Variants in LYPLAL1 observed in about 807,000 individuals in gnomAD.
LYPLAL1 encodes the protein lysophospholipase-like protein 1.
In LYPLAL1, 23 loss-of-function variants were observed where a neutral mutation model predicts 19.7. The ratio of observed to expected loss-of-function variants is 1.17; its 90% CI spans 0.84 to 1.65. The LOEUF is 1.65. LYPLAL1 is among the 40% of genes most tolerant of loss of function. The pLI, the probability that LYPLAL1 is intolerant of heterozygous loss-of-function variation, is 0.00. For synonymous variants in LYPLAL1, 119 were observed against 96.3 expected (o/e 1.24, Z -1.38); for missense variants, 355 against 279.4 (o/e 1.27, Z -1.93).
the LYPLAL1 span, among the ~76,000 whole-genome samples, chr1:219,359,941 A>G: frequency 1.3e-5 from 2 of 152,210 alleles, no homozygotes; most frequent in African/African-American, 4.8e-5. Context: ...GTGGGTATCT[A>G]CACAGGCAGC....
chr1:219,311,178 T>C, the LYPLAL1 span, among the ~76,000 whole-genome samples: 1 of 151,788 alleles, frequency 6.6e-6, no homozygotes, highest in Non-Finnish European at 1.5e-5. Context: ...GGACATGGAG[T>C]TTGTGCTTAA....
At chr1:219,232,415 G>T in the LYPLAL1 span, among the ~76,000 whole-genome samples, 1 of 151,954 alleles carries the variant, frequency 6.6e-6, no homozygotes, top group Non-Finnish European at 1.5e-5. Context: ...ATCAATGAGG[G>T]CTAAACTATA....
chr1:219,241,134 C>CTCTCTCTATATATATATATA, the LYPLAL1 span, among the ~76,000 whole-genome samples: 72 of 44,320 alleles, frequency 1.6e-3, no homozygotes, highest in Non-Finnish European at 2.6e-3. Context: ...CTCTCTCTCT[C>CTCTCTCTATATATATATATA]TATATATATA....
the LYPLAL1 span, among the ~76,000 whole-genome samples, chr1:219,373,351 C>T: frequency 3.3e-5 from 5 of 152,096 alleles, no homozygotes; most frequent in Admixed American, 6.6e-5. Context: ...ATTGAGTTGT[C>T]GGGGCTCAGT....
At chr1:219,193,865 G>A (rs1025736392) in intron 3 of LYPLAL1, among the ~76,000 whole-genome samples, 6 of 151,754 alleles carry the variant, frequency 4.0e-5, no homozygotes, top group South Asian at 2.1e-4. Flanking sequence ...AATGGTACAC[G>A]ACATATTTTG....
chr1:219,260,211 T>G, the LYPLAL1 span, among the ~76,000 whole-genome samples: 1 of 151,860 alleles, frequency 6.6e-6, no homozygotes, highest in East Asian at 1.9e-4. Context: ...GTTTGAATAT[T>G]CCCATTAAAA....
the LYPLAL1 span, among the ~76,000 whole-genome samples, chr1:219,444,162 A>AC: frequency 2.0e-5 from 3 of 151,904 alleles, no homozygotes; most frequent in Non-Finnish European, 2.9e-5. Context: ...AAACAGTAGA[A>AC]CCCCCCTTAC....
the LYPLAL1 span, among the ~76,000 whole-genome samples, chr1:219,237,652 T>C: frequency 6.6e-6 from 1 of 152,220 alleles, no homozygotes; most frequent in Non-Finnish European, 1.5e-5. Flanking sequence ...TTTGTTGTTG[T>C]TGTTTTGTTT....
the LYPLAL1 span, among the ~76,000 whole-genome samples, chr1:219,361,202 G>T: frequency 1.3e-5 from 2 of 152,146 alleles, no homozygotes; most frequent in African/African-American, 4.8e-5. Flanking sequence ...AGAACAAGTT[G>T]CACAGGTTAG....
At chr1:219,375,327 G>A in the LYPLAL1 span, among the ~76,000 whole-genome samples, 40 of 151,930 alleles carry the variant, frequency 2.6e-4, no homozygotes, top group African/African-American at 8.9e-4. Context: ...TTAGCTGGGC[G>A]TGGTGGCGCA....
At chr1:219,374,186 A>G in the LYPLAL1 span, among the ~76,000 whole-genome samples, 6 of 146,712 alleles carry the variant, frequency 4.1e-5, no homozygotes, top group South Asian at 6.4e-4. Context: ...TTTTTCTTCC[A>G]TTTGTCTTAT....
At chr1:219,334,522 G>GA in the LYPLAL1 span, among the ~76,000 whole-genome samples, 220 of 89,128 alleles carry the variant, frequency 2.5e-3, no homozygotes, top group African/African-American at 3.2e-3. Context: ...TCATAATGAA[G>GA]AGGGGTGTGT....
intron 2 of LYPLAL1, among the ~76,000 whole-genome samples, chr1:219,180,549 C>T (rs1656192036): frequency 6.6e-6 from 1 of 151,958 alleles, no homozygotes; most frequent in Non-Finnish European, 1.5e-5. Flanking sequence ...ACCCAATCAC[C>T]AGTGGTTATT....
the LYPLAL1 span, among the ~76,000 whole-genome samples, chr1:219,349,151 C>T: frequency 1.3e-5 from 2 of 152,226 alleles, no homozygotes; most frequent in East Asian, 1.9e-4. Context: ...CTCATAACCA[C>T]TGGACTGACT....
At chr1:219,270,867 T>G in the LYPLAL1 span, 1 of 152,230 alleles carries the variant, frequency 6.6e-6, no homozygotes, top group Admixed American at 6.5e-5. Context: ...TGTATCACTA[T>G]GACAGGGGGA....
At chr1:219,259,414 T>C in the LYPLAL1 span, among the ~76,000 whole-genome samples, 2 of 76,034 alleles carry the variant, frequency 2.6e-5, no homozygotes, top group Non-Finnish European at 6.5e-5. Flanking sequence ...TATACATATA[T>C]ATATATATAT....
chr1:219,351,342 A>G, the LYPLAL1 span, among the ~76,000 whole-genome samples: 1 of 152,132 alleles, frequency 6.6e-6, no homozygotes, highest in African/African-American at 2.4e-5. Context: ...TAGGAGTACA[A>G]GTGGTATAGA....
At chr1:219,218,202 C>T in the LYPLAL1 span, among the ~76,000 whole-genome samples, 45 of 151,804 alleles carry the variant, frequency 3.0e-4, no homozygotes, top group South Asian at 1.0e-3. Flanking sequence ...AAATAGGAGG[C>T]AGACTGGTTA....
At chr1:219,400,264 T>C in the LYPLAL1 span, among the ~76,000 whole-genome samples, 3 of 152,130 alleles carry the variant, frequency 2.0e-5, no homozygotes, top group Admixed American at 1.3e-4. Flanking sequence ...CTGTTCCATG[T>C]GGCAGCATCT....
Sources: gnomAD v4.1 joint callset for allele counts (sites outside exome capture counted in the v4.1 genomes callset) on GRCh38, gnomAD v4.1.1 for gene constraint, MANE v1.5 for transcripts, NCBI Gene and HGNC (gene_info 2026-07-23, HGNC 2026-07-21) for gene names.